RETREG1: variants seen among roughly 807,000 people sequenced by gnomAD.
RETREG1 encodes the protein reticulophagy regulator 1, also known as family with sequence similarity 134 member B.
RETREG1 carries 44 observed loss-of-function variants against 54.8 expected under a neutral mutation model. That is an observed-to-expected ratio of 0.80 (90% CI 0.63 to 1.03). The LOEUF (loss-of-function observed/expected upper bound fraction) is 1.03, where lower values mean the gene tolerates loss of function less well. Among genes scored for constraint, RETREG1 ranks in the 50% least tolerant of loss-of-function variants. The pLI is 0.00. For missense variants in RETREG1, 554 were observed against 605.1 expected (o/e 0.92, Z 0.89); for synonymous variants, 217 against 238.5 (o/e 0.91, Z 0.83).
At chr5:16,493,367 G>C (rs1739330004) in intron 3 of RETREG1, among the ~76,000 whole-genome samples, 1 of 152,194 alleles carries the variant, frequency 6.6e-6, no homozygotes, top group South Asian at 2.1e-4. Context: ...CCCAGGGCAT[G>C]AGTAATGCAA....
In RETREG1 at chr5:16,593,487, A is replaced by C. The variant is rs1356710354; in HGVS notation, c.321-21385T>G. Among the ~76,000 whole-genome samples, 1 of 152,214 alleles carries C rather than the reference A, an allele frequency of 6.6e-6. No individual in the cohort carries two copies. The highest frequency in any genetic ancestry group is 2.4e-5 in the African/African-American group (1 of 41,452). On this transcript the variant is annotated intron_variant, in intron 1 of 8. Coordinates refer to ENST00000306320, the MANE Select transcript of RETREG1 (RefSeq NM_001034850.3). This position sits in a 1 kb window ranked among gnomAD's most constrained non-coding sequence, Gnocchi z 4.9. ...TACAAATGATTCAATTAATGTAATT[A>C]ATTAACCATGCATGTAATCAATGTA... is the stretch of plus-strand genomic sequence containing the variant.
chr5:16,500,399 G>T (rs1048417784), intron 3 of RETREG1, among the ~76,000 whole-genome samples: 2 of 152,172 alleles, frequency 1.3e-5, no homozygotes, highest in Non-Finnish European at 2.9e-5. Context: ...AGAGATGAGA[G>T]AATGGGTGAA....
chr5:16,489,605 C>A (rs1338861700), intron 3 of RETREG1, among the ~76,000 whole-genome samples: 3 of 152,220 alleles, frequency 2.0e-5, no homozygotes, highest in African/African-American at 7.2e-5. Flanking sequence ...ATCTCATTAT[C>A]ATTTAACTTC....
intron 3 of RETREG1, among the ~76,000 whole-genome samples, chr5:16,528,166 C>T (rs1740782204): frequency 6.6e-6 from 1 of 152,016 alleles, no homozygotes; most frequent in Non-Finnish European, 1.5e-5. Context: ...ACAACGTGTT[C>T]CGGAAAATGT....
chr5:16,564,682 G>A (rs890282882), intron 3 of RETREG1, among the ~76,000 whole-genome samples: 3 of 152,124 alleles, frequency 2.0e-5, no homozygotes, highest in Non-Finnish European at 2.9e-5. Context: ...CCACCTCCAC[G>A]AGAAGCACCA....
intron 3 of RETREG1, among the ~76,000 whole-genome samples, chr5:16,521,184 G>A (rs540745548): frequency 9.2e-5 from 14 of 152,020 alleles, no homozygotes; most frequent in African/African-American, 2.4e-4. Flanking sequence ...AAACATAATC[G>A]CTATGCCTCT....
intron 8 of RETREG1, 127 bp downstream of exon 8, chr5:16,477,535 T>A: frequency 5.4e-6 from 5 of 920,618 alleles, no homozygotes; most frequent in Non-Finnish European, 8.5e-6. Context: ...TTCATTTTTA[T>A]AGCCAAGTAA....
intron 3 of RETREG1, among the ~76,000 whole-genome samples, chr5:16,557,869 C>G (rs1001838526): frequency 2.6e-5 from 4 of 151,868 alleles, no homozygotes; most frequent in Non-Finnish European, 5.9e-5. Flanking sequence ...GTTTGAAAGT[C>G]CCCTGCAAAA....
At chr5:16,477,165 TTGAC>T (rs755657613) in intron 8 of RETREG1, among the ~76,000 whole-genome samples, 46 of 152,270 alleles carry the variant, frequency 3.0e-4, no homozygotes, top group African/African-American at 1.0e-3. Context: ...AATTTGGACA[TTGAC>T]TGATTTATTT....
chr5:16,517,196 C>T (rs1014885861), intron 3 of RETREG1, among the ~76,000 whole-genome samples: 36 of 152,082 alleles, frequency 2.4e-4, no homozygotes, highest in African/African-American at 8.7e-4. Flanking sequence ...TAATAGGAGT[C>T]TTGGAGAAGA....
chr5:16,495,984 T>C (rs1304065276), intron 3 of RETREG1, among the ~76,000 whole-genome samples: 1 of 151,998 alleles, frequency 6.6e-6, no homozygotes, highest in Non-Finnish European at 1.5e-5. Flanking sequence ...TTCAAATAAA[T>C]TGATGTATTA....
intron 3 of RETREG1, among the ~76,000 whole-genome samples, chr5:16,559,354 C>T (rs1741794631): frequency 6.6e-6 from 1 of 152,192 alleles, no homozygotes; most frequent in Non-Finnish European, 1.5e-5. Flanking sequence ...GAAAGACTGA[C>T]TCTGTTGAAT....
At chr5:16,501,062 C>T (rs1170795782) in intron 3 of RETREG1, among the ~76,000 whole-genome samples, 1 of 152,012 alleles carries the variant, frequency 6.6e-6, no homozygotes, top group African/African-American at 2.4e-5. Context: ...TTCAGTGTGA[C>T]CTATTTTGTA....
chr5:16,612,932 CAT>C, intron 1 of RETREG1, among the ~76,000 whole-genome samples: 1 of 152,280 alleles, frequency 6.6e-6, no homozygotes, highest in East Asian at 1.9e-4. Flanking sequence ...AATCATTCAG[CAT>C]ATATTACTTT....
intron 1 of RETREG1, among the ~76,000 whole-genome samples, chr5:16,575,498 T>C (rs890721549): frequency 6.6e-6 from 1 of 152,336 alleles, no homozygotes. Flanking sequence ...CAAAGGCCAT[T>C]AGTTATTCTC....
chr5:16,481,148 G>A, intron 4 of RETREG1, 55 bp from the exon 5 acceptor site: 1 of 1,238,000 alleles, frequency 8.1e-7, no homozygotes, highest in Non-Finnish European at 1.2e-6. Flanking sequence ...AGATATTTCG[G>A]AGCACAGGAT....
chr5:16,562,400 A>G (rs31286), intron 3 of RETREG1, among the ~76,000 whole-genome samples: 63,243 of 152,004 alleles, frequency 0.42, 13,198 homozygotes, highest in Admixed American at 0.45. Context: ...ACTAGGACAC[A>G]GGCTCCAAAC....
chr5:16,538,879 T>C (rs955558795), intron 3 of RETREG1, among the ~76,000 whole-genome samples: 1 of 152,170 alleles, frequency 6.6e-6, no homozygotes, highest in African/African-American at 2.4e-5. Flanking sequence ...TAATTTTTTG[T>C]ATTTTTAGTA....
intron 1 of RETREG1, among the ~76,000 whole-genome samples, chr5:16,615,460 C>T (rs1743477755): frequency 6.6e-6 from 1 of 151,162 alleles, no homozygotes; most frequent in African/African-American, 2.4e-5. Context: ...TTAAAAACAT[C>T]GTAAACATTA....
Sources: allele counts gnomAD v4.1 joint callset (sites outside exome capture counted in the v4.1 genomes callset), GRCh38; gene constraint gnomAD v4.1.1; non-coding constraint Gnocchi (gnomAD v3.1); transcripts MANE v1.5; gene names NCBI Gene and HGNC (gene_info 2026-07-23, HGNC 2026-07-21).